Variants in OPA3 observed in about 807,000 individuals in gnomAD.
OPA3 encodes optic atrophy 3 protein.
In OPA3, 6 loss-of-function variants were observed where a neutral mutation model predicts 4.0. That is an observed-to-expected ratio of 1.51 (90% confidence interval 0.83 to 2.99). The LOEUF is 2.99. Among genes scored for constraint, OPA3 ranks in the 30% most tolerant of loss-of-function variants. The probability of loss-of-function intolerance (pLI) is 0.00; values close to 1 mark genes in which losing one functional copy is unlikely to be tolerated. For missense variants in OPA3, 235 were observed against 256.2 expected (o/e 0.92, Z 0.56); for synonymous variants, 105 against 117.1 (o/e 0.90, Z 0.67).
chr19:45,530,453 C>T (rs986482959), intron 1 of OPA3, among the ~76,000 whole-genome samples: 9 of 151,966 alleles, frequency 5.9e-5, no homozygotes, highest in Admixed American at 2.6e-4. Context: ...TTCCCTCTCC[C>T]CTCCCAATTT....
At chr19:45,530,509 T>C (rs957792335) in intron 1 of OPA3, among the ~76,000 whole-genome samples, 2 of 149,964 alleles carry the variant, frequency 1.3e-5, no homozygotes, top group South Asian at 2.2e-4. Flanking sequence ...TATTTATGTA[T>C]GTATGGTTTT....
chr19:45,582,917 T>A (rs1969877569), intron 1 of OPA3, among the ~76,000 whole-genome samples: 1 of 152,220 alleles, frequency 6.6e-6, no homozygotes, highest in African/African-American at 2.4e-5. Flanking sequence ...GAAAGGGCTG[T>A]TACCATGTTT....
chr19:45,572,598 G>T lies in OPA3; in HGVS notation c.142+12025C>A, dbSNP rs1447129699. On this transcript the variant is annotated intron_variant, in intron 1 of 1. Coordinates refer to ENST00000263275, the MANE Select transcript of OPA3 (RefSeq NM_025136.4). ...ATATATGTATATAAATATATATATT[G>T]ATATATATCATATATATCATGATAT... is the stretch of plus-strand genomic sequence containing the variant. Among the ~76,000 whole-genome samples, 7 of 94,082 alleles carry T rather than the reference G, an allele frequency of 7.4e-5. No individual in the cohort carries two copies. The South Asian group carries it at 1.1e-3, about 15-fold the overall frequency. The allele number at this position is 94,082 out of a possible 152,430, so 61.7% of individuals were successfully genotyped here. A position where few individuals can be genotyped will look rare whatever the true frequency, so the allele number is the denominator to read the frequency against.
At chr19:45,572,746 G>GAT (rs1969702677) in intron 1 of OPA3, among the ~76,000 whole-genome samples, 1 of 128,090 alleles carries the variant, frequency 7.8e-6, no homozygotes, top group Non-Finnish European at 1.6e-5. Flanking sequence ...TATATATATA[G>GAT]ATATATATCT....
rs1315906598 is a variant in OPA3, at chr19:45,550,748, G to C, written c.*2766C>G. 7.1e-6 allele frequency: 7 copies of C among 985,778 alleles called. No homozygotes were observed. In the African/African-American group the frequency reaches 1.0e-4, roughly 15 times the overall value. 61.1% of individuals were successfully genotyped at this position (985,778 alleles called of 1,614,324 possible). A position where few individuals can be genotyped will look rare whatever the true frequency, so the allele number is the denominator to read the frequency against. On this transcript the variant is annotated 3_prime_UTR_variant, in exon 2 of 2. Coordinates refer to ENST00000263275, the MANE Select transcript of OPA3 (RefSeq NM_025136.4). ...TACCCATTGTGGAGATCCACATGGT[G>C]GTTCAGGTACAGCCTCAGGATGCCT...
At chr19:45,577,189 G>A (rs562038196) in intron 1 of OPA3, among the ~76,000 whole-genome samples, 1 of 152,298 alleles carries the variant, frequency 6.6e-6, no homozygotes, top group Non-Finnish European at 1.5e-5. Flanking sequence ...GTGCATCATC[G>A]ATGATTTATG....
At chr19:45,535,917 G>A (rs1341252436) in intron 1 of OPA3, among the ~76,000 whole-genome samples, 1 of 151,728 alleles carries the variant, frequency 6.6e-6, no homozygotes, top group African/African-American at 2.4e-5. Flanking sequence ...GGTGCCTGCT[G>A]CCACACCCTG....
rs528208456 is a variant in OPA3, at chr19:45,550,894, G to T, written c.*2620C>A. The T allele has an allele frequency of 1.5e-5, 15 of 985,796 alleles. No homozygotes were observed. The highest frequency in any genetic ancestry group is 1.6e-5 in the Non-Finnish European group (13 of 830,042). 61.1% of individuals were successfully genotyped at this position (985,796 alleles called of 1,614,324 possible). A position where few individuals can be genotyped will look rare whatever the true frequency, so the allele number is the denominator to read the frequency against. ...CTGGAAGAGAAACCCAGTAGAAAAG[G>T]GTGGTTCCTAGACTGTTCCTCTCAG... is the stretch of plus-strand genomic sequence containing the variant. On this transcript the variant is annotated 3_prime_UTR_variant, in exon 2 of 2. Transcript: ENST00000263275.
In OPA3 at chr19:45,549,464, C is replaced by T; in HGVS notation, c.*4050G>A. 2 of 985,188 alleles carry T rather than the reference C, an allele frequency of 2.0e-6. No homozygotes were observed. The highest frequency in any genetic ancestry group is 2.4e-6 in the Non-Finnish European group (2 of 830,000). The allele number at this position is 985,188 out of a possible 1,614,324, so 61.0% of individuals were successfully genotyped here. A position where few individuals can be genotyped will look rare whatever the true frequency, so the allele number is the denominator to read the frequency against. ...CTGGGGTCAGGAATTGGAGCTCCTG[C>T]CTGTGTTCACACTCCCACCTCTGTT... On this transcript the variant is annotated 3_prime_UTR_variant, in exon 2 of 2. Transcript: ENST00000263275.
At chr19:45,575,170 G>A (rs778893984) in intron 1 of OPA3, among the ~76,000 whole-genome samples, 2 of 151,506 alleles carry the variant, frequency 1.3e-5, no homozygotes, top group Non-Finnish European at 2.9e-5. Context: ...GCACGATCTC[G>A]GTTCACTGCA....
chr19:45,562,150 C>T (rs938393147), intron 1 of OPA3, among the ~76,000 whole-genome samples: 2 of 151,428 alleles, frequency 1.3e-5, no homozygotes, highest in African/African-American at 4.8e-5. Context: ...GAGTTCAAGA[C>T]CAGCCTGGCC....
Position 45,550,635 on chromosome 19 carries a change from G to C in OPA3, c.*2879C>G. ...TGGCAAGTCCCTTTGCTTACCCCTGGCCTTAGTTTCCCCAGCTCATAGGGT... is the reference window on the plus strand; with the variant it reads ...TGGCAAGTCCCTTTGCTTACCCCTGCCCTTAGTTTCCCCAGCTCATAGGGT... On this transcript the variant is annotated 3_prime_UTR_variant, in exon 2 of 2. Coordinates refer to ENST00000263275, the MANE Select transcript of OPA3 (RefSeq NM_025136.4). 1.0e-6 allele frequency: 1 copy of C among 986,070 alleles called. No homozygotes were observed. The highest frequency in any genetic ancestry group is 1.7e-5 in the African/African-American group (1 of 57,358). 61.1% of individuals were successfully genotyped at this position (986,070 alleles called of 1,614,324 possible).
chr19:45,574,904 G>A (rs1280366482), intron 1 of OPA3, among the ~76,000 whole-genome samples: 2 of 152,226 alleles, frequency 1.3e-5, no homozygotes, highest in East Asian at 3.9e-4. Context: ...GAAAGACCAC[G>A]TGGAGAAGAG....
Position 45,549,111 on chromosome 19 carries a change from A to G in OPA3, c.*4403T>C. ...TGAGCCACTGCGCCCAGTCCCAAGG[A>G]CTTTTTAAATATGAAAAAAGAATGC... On this transcript the variant is annotated 3_prime_UTR_variant, in exon 2 of 2. Transcript: ENST00000263275. 1 of 985,138 alleles carries G rather than the reference A, an allele frequency of 1.0e-6. No homozygotes were observed. 61.0% of individuals were successfully genotyped at this position (985,138 alleles called of 1,614,324 possible). A position where few individuals can be genotyped will look rare whatever the true frequency, so the allele number is the denominator to read the frequency against.
At chr19:45,572,804 AC>A (rs1568409413) in intron 1 of OPA3, among the ~76,000 whole-genome samples, 1 of 88,116 alleles carries the variant, frequency 1.1e-5, no homozygotes, top group African/African-American at 3.8e-5. Context: ...TATATATCAT[AC>A]TATATATATA....
chr19:45,563,582 G>A (rs1320744029), intron 1 of OPA3, among the ~76,000 whole-genome samples: 2 of 152,056 alleles, frequency 1.3e-5, no homozygotes, highest in Non-Finnish European at 2.9e-5. Context: ...TTGAGACAGG[G>A]TTTCACTCTG....
At chr19:45,536,002 G>A (rs113396469) in intron 1 of OPA3, among the ~76,000 whole-genome samples, 6,987 of 151,584 alleles carry the variant, frequency 0.046, 348 homozygotes, top group East Asian at 0.21. Context: ...CAAGGTAGGC[G>A]GATCACCTGA....
chr19:45,549,282 ACTTCC>A lies in OPA3; in HGVS notation c.*4227_*4231del. On this transcript the variant is annotated 3_prime_UTR_variant, in exon 2 of 2. Transcript: ENST00000263275. ...TGCATTTTGAGAGGACGTTCTTTCC[ACTTCC>A]ACACACTCTGGCCACCCCTGACGCC... 3 of 985,278 alleles carry A rather than the reference ACTTCC, an allele frequency of 3.0e-6. No homozygotes were observed. Among genetic ancestry groups the A allele is most frequent in the Non-Finnish European group, 3.6e-6 (3 of 829,920 alleles). The allele number at this position is 985,278 out of a possible 1,614,324, so 61.0% of individuals were successfully genotyped here.
intron 1 of OPA3, among the ~76,000 whole-genome samples, chr19:45,568,415 C>G (rs576318732): frequency 4.0e-4 from 61 of 152,216 alleles, no homozygotes; most frequent in African/African-American, 1.3e-3. Context: ...GTCTCGAACT[C>G]CTGACCTCAG....
Sources: allele counts gnomAD v4.1 joint callset (sites outside exome capture counted in the v4.1 genomes callset), GRCh38; gene constraint gnomAD v4.1.1; transcripts MANE v1.5; gene names NCBI Gene and HGNC (gene_info 2026-07-23, HGNC 2026-07-21).